Variants in CSTL1 observed in about 807,000 individuals in gnomAD.
The protein encoded by CSTL1 is cystatin like 1.
CSTL1 carries 14 observed loss-of-function variants against 14.4 expected under a neutral mutation model. The observed-to-expected ratio is 0.97, with a 90% CI of 0.64 to 1.52. The LOEUF (loss-of-function observed/expected upper bound fraction) is 1.52. Among genes scored for constraint, CSTL1 ranks in the 40% most tolerant of loss-of-function variants. The pLI, the probability that CSTL1 is intolerant of heterozygous loss-of-function variation, is 0.00. For synonymous variants in CSTL1, 72 were observed against 67.5 expected (o/e 1.07, Z -0.33); for missense variants, 170 against 168.7 (o/e 1.01, Z -0.04).
chr20:23,460,209 A>G, the CSTL1 span, among the ~76,000 whole-genome samples: 1 of 152,202 alleles, frequency 6.6e-6, no homozygotes. Flanking sequence ...CTAACAGCTG[A>G]GCTTCCCAAA....
chr20:23,450,543 T>A, the CSTL1 span: 1 of 1,612,280 alleles, frequency 6.2e-7, no homozygotes, highest in Non-Finnish European at 8.5e-7. Flanking sequence ...AATTTTGTAC[T>A]GTTCAAACCA....
At chr20:23,442,165 G>T (rs1472647326) in intron 2 of CSTL1, 1 of 152,400 alleles carries the variant, frequency 6.6e-6, no homozygotes, top group Non-Finnish European at 1.5e-5. Flanking sequence ...AGACAGAGCA[G>T]GCGTGCCTCC....
chr20:23,447,988 C>G (rs961692311), downstream of CSTL1, among the ~76,000 whole-genome samples: 4 of 151,726 alleles, frequency 2.6e-5, no homozygotes, highest in Non-Finnish European at 5.9e-5. Flanking sequence ...CTATTTCTAT[C>G]TTTTTTTTGC....
rs1402682162 is a variant in CSTL1 at position 23,440,193 on chromosome 20, A to ATGGGTT, written c.-75_-74insTGGGTT. 6.7e-7 allele frequency: 1 copy of ATGGGTT among 1,484,188 alleles called. No individual in the cohort carries two copies. Among genetic ancestry groups the ATGGGTT allele is most frequent in the Non-Finnish European group, 9.4e-7 (1 of 1,068,386 alleles). The allele number at this position is 1,484,188 out of a possible 1,614,324, so 91.9% of individuals were successfully genotyped here. On this transcript the variant is annotated 5_prime_UTR_variant, in exon 2 of 4. In the 5' UTR this introduces an upstream ATG that the reference lacks. Coordinates refer to ENST00000347397, the MANE Select transcript of CSTL1 (RefSeq NM_138283.1). ...ATGTTGGTGAGGGTTATGATGGGAG[A>ATGGGTT]ATGAGTGAACTGCAGCCTGGCACCA...
chr20:23,445,063 A>G, downstream of CSTL1: 1 of 636,418 alleles, frequency 1.6e-6, no homozygotes, highest in Middle Eastern at 4.1e-4. Context: ...ACACCCTCAC[A>G]CTCTCACCAC....
At chr20:23,443,912 C>T (rs2123314998) in intron 2 of CSTL1, 22 bp from the exon 3 acceptor site, 1 of 1,586,080 alleles carries the variant, frequency 6.3e-7, no homozygotes, top group African/African-American at 1.3e-5. Context: ...TCCACACTAA[C>T]AGCACAACTG....
chr20:23,442,735 C>G (rs1042205328), intron 2 of CSTL1, among the ~76,000 whole-genome samples: 4 of 152,174 alleles, frequency 2.6e-5, no homozygotes, highest in African/African-American at 9.6e-5. Context: ...CTCCCAGGAG[C>G]AGTGTGGGCA....
At chr20:23,454,577 T>A in the CSTL1 span, among the ~76,000 whole-genome samples, 1 of 152,190 alleles carries the variant, frequency 6.6e-6, no homozygotes, top group Non-Finnish European at 1.5e-5. Flanking sequence ...GGGTTTGGCA[T>A]CACCACAGAG....
intron 2 of CSTL1, 62 bp downstream of exon 2, chr20:23,440,548 G>A: frequency 7.9e-7 from 1 of 1,273,342 alleles, no homozygotes. Flanking sequence ...AGACATGTGA[G>A]GATTCTGGGG....
At chr20:23,445,979 G>A (rs1986957890), downstream of CSTL1, among the ~76,000 whole-genome samples, 1 of 152,186 alleles carries the variant, frequency 6.6e-6, no homozygotes, top group Non-Finnish European at 1.5e-5. Flanking sequence ...GTGAGCTGTG[G>A]CAGTATGTGT....
At position 23,441,589 on chromosome 20, in the gene CSTL1, A is replaced by G. The variant is rs148813082; in HGVS notation, c.219+1103A>G. 3.4e-3 allele frequency among the ~76,000 whole-genome samples: 516 copies of G among 152,286 alleles called. 2 individuals carry two copies. Among genetic ancestry groups the G allele is most frequent in the Non-Finnish European group, 5.6e-3 (384 of 68,032 alleles). On this transcript the variant is annotated intron_variant, in intron 2 of 3. Transcript: ENST00000347397. ...CACATCTTCCCACATATGGTAAATC[A>G]TTTCTAGATTAATTATAATAAGTGG...
intron 2 of CSTL1, chr20:23,442,289 G>A (rs1033729797): frequency 1.3e-5 from 2 of 152,292 alleles, no homozygotes; most frequent in African/African-American, 4.8e-5. Context: ...GGGCTGCCAG[G>A]TGCCTCTGGG....
chr20:23,440,572 A>G, intron 2 of CSTL1, 86 bp downstream of exon 2: 2 of 1,020,210 alleles, frequency 2.0e-6, no homozygotes, highest in African/African-American at 3.1e-5. Flanking sequence ...CTCCCAAGAG[A>G]ACCAAGTGGT....
At position 23,444,115 on chromosome 20, in the gene CSTL1, C is replaced by T. The variant is rs1986910171; in HGVS notation, c.330+71C>T. The T allele has an allele frequency of 1.1e-5, 16 of 1,400,558 alleles. No individual in the cohort carries two copies. The South Asian group carries it at 1.8e-4, about 16-fold the overall frequency. The allele number at this position is 1,400,558 out of a possible 1,614,324, so 86.8% of individuals were successfully genotyped here. On this transcript the variant is annotated intron_variant, in intron 3 of 3. Transcript: ENST00000347397. ...TTAAAAAGCAACAGCTAGAAGTTGG[C>T]AGTTTTGCCACTTGTGTGGATTGGG...
the CSTL1 span, among the ~76,000 whole-genome samples, chr20:23,453,385 C>A: frequency 6.6e-6 from 1 of 152,186 alleles, no homozygotes; most frequent in Admixed American, 6.5e-5. Flanking sequence ...GACGATTCCC[C>A]AGTACCGACA....
chr20:23,444,634 C>T, intron 3 of CSTL1, 137 bp from the exon 4 acceptor site: 2 of 627,490 alleles, frequency 3.2e-6, no homozygotes, highest in South Asian at 3.8e-5. Flanking sequence ...TCTGTTTCTA[C>T]CCTTGACTGT....
chr20:23,442,000 C>G (rs747046239), intron 2 of CSTL1, among the ~76,000 whole-genome samples: 17 of 152,250 alleles, frequency 1.1e-4, no homozygotes, highest in Non-Finnish European at 2.5e-4. Flanking sequence ...TGAGGCACTT[C>G]TACCACAAGA....
At chr20:23,453,004 T>A in the CSTL1 span, 1 of 599,214 alleles carries the variant, frequency 1.7e-6, no homozygotes, top group East Asian at 2.8e-5. Context: ...GTGCAATGGT[T>A]TTTGCATAAG....
At chr20:23,452,545 G>C in the CSTL1 span, 7 of 1,316,850 alleles carry the variant, frequency 5.3e-6, no homozygotes, top group Admixed American at 3.4e-5. Flanking sequence ...CGATGTGGGC[G>C]TATCAGGCCT....
Sources: gnomAD v4.1 joint callset for allele counts (sites outside exome capture counted in the v4.1 genomes callset) on GRCh38, gnomAD v4.1.1 for gene constraint, MANE v1.5 for transcripts, NCBI Gene and HGNC (gene_info 2026-07-23, HGNC 2026-07-21) for gene names.